The following BTBD9 variants were observed in gnomAD, a reference collection of about 807,000 sequenced individuals.
BTBD9 encodes the protein BTB/POZ domain-containing protein 9.
Under a neutral mutation model 64.3 loss-of-function variants are expected in BTBD9, and 49 were observed. The ratio of observed to expected loss-of-function variants is 0.76; its 90% confidence interval spans 0.61 to 0.97. The LOEUF (loss-of-function observed/expected upper bound fraction) is 0.97. Among genes scored for constraint, BTBD9 ranks in the 50% least tolerant of loss-of-function variants. The pLI is 0.00. For synonymous variants in BTBD9, 260 were observed against 274.7 expected (o/e 0.95, Z 0.53); for missense variants, 598 against 762.1 (o/e 0.78, Z 2.53).
intron 1 of BTBD9, among the ~76,000 whole-genome samples, chr6:38,612,627 T>C (rs998358719): frequency 1.3e-5 from 2 of 152,218 alleles, no homozygotes; most frequent in African/African-American, 2.4e-5. Flanking sequence ...GAATGGGGTA[T>C]TATGGAAATC....
intron 7 of BTBD9, among the ~76,000 whole-genome samples, chr6:38,329,043 A>G (rs561138833): frequency 6.6e-6 from 1 of 150,474 alleles, no homozygotes; most frequent in South Asian, 2.1e-4. Context: ...CGATCTGGCT[A>G]TAAAGATGGC....
At chr6:38,300,301 A>C (rs915475406) in intron 7 of BTBD9, among the ~76,000 whole-genome samples, 1 of 152,184 alleles carries the variant, frequency 6.6e-6, no homozygotes, top group Non-Finnish European at 1.5e-5. Flanking sequence ...TGATGCCTCC[A>C]GCTTTGTTCT....
chr6:38,334,619 AC>A (rs1386228498), intron 7 of BTBD9, among the ~76,000 whole-genome samples: 31 of 145,188 alleles, frequency 2.1e-4, no homozygotes, highest in Admixed American at 1.7e-3. Flanking sequence ...ACATAACATA[AC>A]ATAACATAAA....
chr6:38,426,754 T>C (rs994399924), intron 6 of BTBD9, among the ~76,000 whole-genome samples: 2 of 151,820 alleles, frequency 1.3e-5, no homozygotes, highest in Admixed American at 6.6e-5. Context: ...CAGCTTCTAA[T>C]AGAGCTATAA....
chr6:38,220,941 C>G (rs1441348157), intron 9 of BTBD9, among the ~76,000 whole-genome samples: 1 of 152,174 alleles, frequency 6.6e-6, no homozygotes, highest in East Asian at 1.9e-4. Context: ...CAAGGTCATA[C>G]AGATGCAAGA....
chr6:38,326,725 C>A (rs1380207095), intron 7 of BTBD9, among the ~76,000 whole-genome samples: 1 of 149,352 alleles, frequency 6.7e-6, no homozygotes, highest in African/African-American at 2.5e-5. Flanking sequence ...TAACAGGCAT[C>A]TACTGAACAT....
intron 7 of BTBD9, among the ~76,000 whole-genome samples, chr6:38,313,459 C>T (rs1762916405): frequency 6.6e-6 from 1 of 152,092 alleles, no homozygotes; most frequent in Admixed American, 6.5e-5. Flanking sequence ...GTCATGTTCC[C>T]GATCTTAGAG....
At position 38,594,300 on chromosome 6, in the gene BTBD9, C is replaced by T; in HGVS notation, c.213G>A (p.Glu71=). ...FRALLYGGMR[E]SQPEAEIPLQ... is the part of the protein sequence containing the mutation. ...GAGGAATTTCTGCTTCAGGCTGAGA[C>T]TCTCGCATTCCACCATATAATAATG... The change falls in exon 3 of 11, where the codon GAG becomes GAA. Residue 71 remains glutamate (E), a synonymous_variant. Coordinates refer to ENST00000481247, the MANE Select transcript of BTBD9 (RefSeq NM_001099272.2). 1.2e-6 allele frequency: 2 copies of T among 1,613,284 alleles called. No individual in the cohort carries two copies. Among genetic ancestry groups the T allele is most frequent in the Non-Finnish European group, 1.7e-6 (2 of 1,179,398 alleles).
intron 6 of BTBD9, among the ~76,000 whole-genome samples, chr6:38,525,941 C>T (rs967789544): frequency 1.3e-5 from 2 of 152,066 alleles, no homozygotes; most frequent in African/African-American, 4.8e-5. Flanking sequence ...GCAGCCTGGC[C>T]CTGTAGTAGA....
At chr6:38,497,091 G>A (rs982119651) in intron 6 of BTBD9, among the ~76,000 whole-genome samples, 1 of 152,140 alleles carries the variant, frequency 6.6e-6, no homozygotes, top group Non-Finnish European at 1.5e-5. Context: ...CATCTAGCAA[G>A]CAAATGACAG....
intron 9 of BTBD9, among the ~76,000 whole-genome samples, chr6:38,232,103 T>C (rs1214055421): frequency 6.6e-6 from 1 of 152,190 alleles, no homozygotes; most frequent in African/African-American, 2.4e-5. Context: ...GTGGCCCTTT[T>C]GCCAGCCAAA....
At chr6:38,241,844 A>G (rs905237927) in intron 9 of BTBD9, among the ~76,000 whole-genome samples, 10 of 152,184 alleles carry the variant, frequency 6.6e-5, no homozygotes, top group African/African-American at 9.7e-5. Flanking sequence ...AGTCTAATAA[A>G]TGGCCTAATG....
At chr6:38,590,597 T>C (rs531168442) in intron 4 of BTBD9, among the ~76,000 whole-genome samples, 1 of 152,326 alleles carries the variant, frequency 6.6e-6, no homozygotes, top group African/African-American at 2.4e-5. Context: ...GGGAAATGAC[T>C]AGTTTGGGAC....
intron 6 of BTBD9, among the ~76,000 whole-genome samples, chr6:38,515,079 G>A (rs537135296): frequency 1.3e-5 from 2 of 151,478 alleles, no homozygotes; most frequent in African/African-American, 4.8e-5. Flanking sequence ...GTCCAGTTGT[G>A]CCTGGAAAAA....
At chr6:38,579,509 T>G (rs1246204263) in intron 5 of BTBD9, among the ~76,000 whole-genome samples, 5 of 152,212 alleles carry the variant, frequency 3.3e-5, no homozygotes, top group Non-Finnish European at 7.3e-5. Flanking sequence ...AGCATCACAG[T>G]GGCTGGAAGA....
rs200322291 is a variant in BTBD9 at position 38,266,605 on chromosome 6, G to GGAAAGAAAGAAA, written c.1455-10101_1455-10090dup. Among the ~76,000 whole-genome samples, 278 of 107,284 alleles carry GGAAAGAAAGAAA rather than the reference G, an allele frequency of 2.6e-3. 5 individuals are homozygous for GGAAAGAAAGAAA. The highest frequency in any genetic ancestry group is 5.8e-3 in the East Asian group (20 of 3,468). 70.4% of individuals were successfully genotyped at this position (107,284 alleles called of 152,430 possible). A position where few individuals can be genotyped will look rare whatever the true frequency, so the allele number is the denominator to read the frequency against. ...AAAGAAAGGAAAGAAAGGAAAGAAA[G>GGAAAGAAAGAAA]GAAAGAAAGAAAGAAAGAAAGAAAG... On this transcript the variant is annotated intron_variant, in intron 8 of 10. Coordinates refer to ENST00000481247, the MANE Select transcript of BTBD9 (RefSeq NM_001099272.2).
intron 10 of BTBD9, among the ~76,000 whole-genome samples, chr6:38,177,286 C>T (rs764371462): frequency 6.6e-6 from 1 of 152,208 alleles, no homozygotes; most frequent in African/African-American, 2.4e-5. Context: ...TGGTTTTTCT[C>T]TCCTTTTGCT....
At chr6:38,552,736 C>CAGAAA (rs1381336403) in intron 6 of BTBD9, among the ~76,000 whole-genome samples, 1 of 144,924 alleles carries the variant, frequency 6.9e-6, no homozygotes, top group Non-Finnish European at 1.5e-5. Context: ...CACTGCACTC[C>CAGAAA]AGAAAAGAAA....
chr6:38,337,353 T>C (rs908629785), intron 7 of BTBD9, among the ~76,000 whole-genome samples: 35 of 152,238 alleles, frequency 2.3e-4, no homozygotes, highest in African/African-American at 8.4e-4. Context: ...CTAAACATAC[T>C]GTTACAATCT....
Sources: gnomAD v4.1 joint callset for allele counts (sites outside exome capture counted in the v4.1 genomes callset) on GRCh38, gnomAD v4.1.1 for gene constraint, MANE v1.5 for transcripts, NCBI Gene and HGNC (gene_info 2026-07-23, HGNC 2026-07-21) for gene names.